The following RCAN2 variants were observed in gnomAD, a reference collection of about 807,000 sequenced individuals.
The protein encoded by RCAN2 is calcipressin-2.
Under a neutral mutation model 23.6 loss-of-function variants are expected in RCAN2, and 9 were observed. That is an observed-to-expected ratio of 0.38 (90% CI 0.23 to 0.67). The LOEUF (loss-of-function observed/expected upper bound fraction) is 0.67. RCAN2 is among the 30% of genes least tolerant of loss of function. RCAN2 has a pLI of 0.51. For synonymous variants in RCAN2, 109 were observed against 115.7 expected (o/e 0.94, Z 0.37); for missense variants, 273 against 302.3 (o/e 0.90, Z 0.72).
intron 2 of RCAN2, among the ~76,000 whole-genome samples, chr6:46,279,196 G>T (rs1488565118): frequency 6.6e-6 from 1 of 152,136 alleles, no homozygotes; most frequent in Non-Finnish European, 1.5e-5. Flanking sequence ...CCAAAGTCTT[G>T]CTTGCCAGCA....
chr6:46,407,779 C>G (rs569493393), intron 2 of RCAN2, among the ~76,000 whole-genome samples: 1 of 152,278 alleles, frequency 6.6e-6, no homozygotes, highest in East Asian at 1.9e-4. Context: ...AAACCCAAAC[C>G]TTAGCCTAAA....
chr6:46,435,567 G>A (rs1463789578), intron 2 of RCAN2, among the ~76,000 whole-genome samples: 3 of 152,244 alleles, frequency 2.0e-5, no homozygotes, highest in Admixed American at 6.5e-5. Flanking sequence ...CACAATTAAC[G>A]AATACTCAAA....
chr6:46,259,266 A>T (rs192386240), intron 2 of RCAN2, among the ~76,000 whole-genome samples: 1 of 152,336 alleles, frequency 6.6e-6, no homozygotes, highest in Non-Finnish European at 1.5e-5. Flanking sequence ...TGAGAACAAA[A>T]ATAAGAAATA....
chr6:46,454,558 T>C (rs1276285754), intron 2 of RCAN2, among the ~76,000 whole-genome samples: 3 of 152,194 alleles, frequency 2.0e-5, no homozygotes, highest in Admixed American at 6.5e-5. Flanking sequence ...AAAATCTTGC[T>C]GAGGTAGGAC....
intron 2 of RCAN2, among the ~76,000 whole-genome samples, chr6:46,347,499 C>T (rs963791803): frequency 6.6e-6 from 1 of 152,156 alleles, no homozygotes; most frequent in Non-Finnish European, 1.5e-5. Context: ...TTACACCTTA[C>T]ATTCAAGGGA....
chr6:46,424,715 G>A (rs924192608), intron 2 of RCAN2, among the ~76,000 whole-genome samples: 3 of 151,988 alleles, frequency 2.0e-5, no homozygotes, highest in Non-Finnish European at 4.4e-5. Flanking sequence ...GTGTGACCTG[G>A]GACAAGTTAC....
At chr6:46,260,272 CA>C (rs1017720015) in intron 2 of RCAN2, among the ~76,000 whole-genome samples, 3 of 152,076 alleles carry the variant, frequency 2.0e-5, no homozygotes, top group African/African-American at 7.2e-5. Context: ...GGGAGGAAGA[CA>C]AAAAATATAT....
intron 2 of RCAN2, among the ~76,000 whole-genome samples, chr6:46,447,011 T>G (rs955300190): frequency 9.2e-5 from 14 of 152,022 alleles, no homozygotes; most frequent in Non-Finnish European, 1.8e-4. Flanking sequence ...TGAGTGTAAA[T>G]GGATTCAATT....
At chr6:46,277,371 A>T (rs1767749448) in intron 2 of RCAN2, among the ~76,000 whole-genome samples, 1 of 152,224 alleles carries the variant, frequency 6.6e-6, no homozygotes, top group African/African-American at 2.4e-5. Context: ...AGATGACTAT[A>T]GAACTAAATA....
At chr6:46,314,611 T>C (rs1011415057) in intron 2 of RCAN2, among the ~76,000 whole-genome samples, 1 of 152,130 alleles carries the variant, frequency 6.6e-6, no homozygotes, top group African/African-American at 2.4e-5. Flanking sequence ...TGAAGGTCAA[T>C]GTTGTAAATA....
chr6:46,416,777 C>T (rs533815045), intron 2 of RCAN2, among the ~76,000 whole-genome samples: 46 of 152,278 alleles, frequency 3.0e-4, no homozygotes, highest in African/African-American at 1.0e-3. Flanking sequence ...CCACCTTGGC[C>T]TCCCAAAGGG....
chr6:46,239,027 G>A (rs1766206039), intron 4 of RCAN2, among the ~76,000 whole-genome samples: 1 of 152,226 alleles, frequency 6.6e-6, no homozygotes, highest in Non-Finnish European at 1.5e-5. Flanking sequence ...GCACAGAGAA[G>A]TTAAGAAACT....
intron 2 of RCAN2, among the ~76,000 whole-genome samples, chr6:46,324,002 A>G (rs908182281): frequency 1.3e-5 from 2 of 152,210 alleles, no homozygotes; most frequent in African/African-American, 4.8e-5. Context: ...TTTATTCTCC[A>G]TAGATGGAAT....
At chr6:46,423,507 G>A (rs145148476) in intron 2 of RCAN2, among the ~76,000 whole-genome samples, 144 of 152,218 alleles carry the variant, frequency 9.5e-4, no homozygotes, top group African/African-American at 3.3e-3. Flanking sequence ...CCTCTTCCTT[G>A]GTATAATATG....
At position 46,253,171 on chromosome 6, in the gene RCAN2, T is replaced by C. The variant is rs542848641; in HGVS notation, c.226-4275A>G. Among the ~76,000 whole-genome samples the C allele has an allele frequency of 2.8e-4, 42 of 152,346 alleles. No individual in the cohort carries two copies. The South Asian group carries it at 8.7e-3, about 32-fold the overall frequency. On this transcript the variant is annotated intron_variant, in intron 2 of 4. Transcript: ENST00000371374. ...CTATAGTTTGGTGCAAAAGTAATTG[T>C]GATTTTTGCCATTACTTTTAATCTA...
At chr6:46,428,971 C>G (rs904496991) in intron 2 of RCAN2, among the ~76,000 whole-genome samples, 1 of 152,124 alleles carries the variant, frequency 6.6e-6, no homozygotes, top group Non-Finnish European at 1.5e-5. Flanking sequence ...ATATCTAAAA[C>G]AGGAATGTAA....
chr6:46,425,900 T>C lies in RCAN2; in HGVS notation c.225+30852A>G, dbSNP rs551758982. 1.2e-3 allele frequency among the ~76,000 whole-genome samples: 163 copies of C among 139,896 alleles called. 1 individual carries two copies. The highest frequency in any genetic ancestry group is 0.011 in the Middle Eastern group (3 of 282). 91.8% of individuals were successfully genotyped at this position (139,896 alleles called of 152,430 possible). On this transcript the variant is annotated intron_variant, in intron 2 of 4. Coordinates refer to ENST00000371374, the MANE Select transcript of RCAN2 (RefSeq NM_001251974.2). ...AGGCTAATTACTTCTTTCTTTCTTT[T>C]TTTTTTTTTTTTTTTTGAGACAGAG...
At chr6:46,278,465 C>T (rs1348741935) in intron 2 of RCAN2, among the ~76,000 whole-genome samples, 1 of 152,068 alleles carries the variant, frequency 6.6e-6, no homozygotes, top group African/African-American at 2.4e-5. Flanking sequence ...TGCCCTTTTA[C>T]CTCTAAAATG....
chr6:46,260,573 T>C (rs1233062871), intron 2 of RCAN2, among the ~76,000 whole-genome samples: 2 of 152,218 alleles, frequency 1.3e-5, no homozygotes, highest in Non-Finnish European at 2.9e-5. Flanking sequence ...ATAGTTTGCA[T>C]GCCTAGGGCT....
Sources: gnomAD v4.1 joint callset for allele counts (sites outside exome capture counted in the v4.1 genomes callset) on GRCh38, gnomAD v4.1.1 for gene constraint, MANE v1.5 for transcripts, NCBI Gene and HGNC (gene_info 2026-07-23, HGNC 2026-07-21) for gene names.